The following ABCC2 variants were observed in gnomAD, a reference collection of about 807,000 sequenced individuals.
The protein encoded by ABCC2 is ATP-binding cassette sub-family C member 2.
A neutral mutation model predicts 173.4 loss-of-function variants in ABCC2; 157 were observed. The observed-to-expected ratio is 0.91, with a 90% CI of 0.80 to 1.03. ABCC2 has a LOEUF of 1.03. Ranked by LOEUF, ABCC2 falls within the 50% of genes least tolerant of loss-of-function variation. ABCC2 has a pLI of 0.00. For missense variants in ABCC2, 1,822 were observed against 1,852.3 expected, an observed-to-expected ratio of 0.98 and a Z score of 0.30; for synonymous variants, 657 against 693.5, an observed-to-expected ratio of 0.95 and a Z score of 0.83.
intron 26 of ABCC2, among the ~76,000 whole-genome samples, chr10:99,842,376 G>A (rs572068930): frequency 6.6e-5 from 10 of 152,216 alleles, no homozygotes; most frequent in African/African-American, 2.4e-4. Context: ...CTGCCTCTTT[G>A]CTTGGTTCTA....
At chr10:99,847,916 T>G (rs1221458347) in intron 30 of ABCC2, among the ~76,000 whole-genome samples, 1 of 149,254 alleles carries the variant, frequency 6.7e-6, no homozygotes, top group Non-Finnish European at 1.5e-5. Context: ...AGACTCCATC[T>G]CAAAACAAAC....
Position 99,782,949 on chromosome 10 carries a change from G to C in ABCC2, c.33+72G>C, listed in dbSNP as rs1047207281. On this transcript the variant is annotated intron_variant, in intron 1 of 31. Transcript: ENST00000647814. ...ACAAGTGGTAGTTAGTTAACTTAGG[G>C]TGGTCACCAACAAGAACCAGAAATG... is the stretch of plus-strand genomic sequence containing the variant. 4 of 1,517,470 alleles carry C rather than the reference G, an allele frequency of 2.6e-6. No individual in the cohort carries two copies. The African/African-American group carries it at 5.5e-5, about 21-fold the overall frequency. 94.0% of individuals were successfully genotyped at this position (1,517,470 alleles called of 1,614,324 possible).
rs1294060498 is a variant in ABCC2, at chr10:99,831,971, C to T, written c.3104-6C>T. On this transcript the variant is annotated splice_region_variant and splice_polypyrimidine_tract_variant and intron_variant, in intron 22 of 31. Transcript: ENST00000647814. ...ATGGTGCTGACAAAACTGCTTCCAT[C>T]TCTAGGTATATTTGTGTTCATAGCA... 3 of 1,614,088 alleles carry T rather than the reference C, an allele frequency of 1.9e-6. No homozygotes were observed. The highest frequency in any genetic ancestry group is 2.7e-5 in the African/African-American group (2 of 74,940).
chr10:99,804,035 A>G lies in ABCC2; in HGVS notation c.1226A>G (p.Asn409Ser). 1 of 1,614,132 alleles carries G rather than the reference A, an allele frequency of 6.2e-7. No homozygotes were observed. The highest frequency in any genetic ancestry group is 1.1e-5 in the South Asian group (1 of 91,080). Residue 409 changes from asparagine (N) to serine (S), a missense_variant, in exon 10 of 32, where the codon AAC becomes AGC. Asn to Ser is a conservative substitution (Grantham distance 46). Coordinates refer to ENST00000647814, the MANE Select transcript of ABCC2 (RefSeq NM_000392.5). ...TATCTTTAGGCATTGACCCTATCCA[A>G]CTTGGCCAGGAAGGAGTACACCGTT... ...SVYKKALTLS[N>S]LARKEYTVGE...
chr10:99,807,498 G>C lies in ABCC2; in HGVS notation c.1645G>C (p.Val549Leu). The C allele has an allele frequency of 6.2e-7, 1 of 1,614,098 alleles. No individual in the cohort carries two copies. Among genetic ancestry groups the C allele is most frequent in the Non-Finnish European group, 8.5e-7 (1 of 1,179,994 alleles). ...TCAACTACAGTGTGTAGTAATATTC[G>C]TCTTCCAGTTAACTCCAGTCCTGGT... ...FSQLQCVVIFVFQLTPVLVSV... is the reference protein window; with the variant it reads ...FSQLQCVVIFLFQLTPVLVSV... The change falls in exon 12 of 32, where the codon GTC becomes CTC. Residue 549 changes from valine (V) to leucine (L), a missense_variant. Val to Leu is a conservative substitution (Grantham distance 32). Coordinates refer to ENST00000647814, the MANE Select transcript of ABCC2 (RefSeq NM_000392.5).
At chr10:99,844,062 T>C (rs978987468) in intron 27 of ABCC2, among the ~76,000 whole-genome samples, 162 bp downstream of exon 27, 1 of 152,166 alleles carries the variant, frequency 6.6e-6, no homozygotes. Context: ...AAACTTAGAA[T>C]AGGAAATGGT....
chr10:99,830,675 T>C (rs1452337032), intron 20 of ABCC2, 41 bp from the exon 21 acceptor site: 1 of 1,613,810 alleles, frequency 6.2e-7, no homozygotes, highest in South Asian at 1.1e-5. Flanking sequence ...AGAAGACCCT[T>C]GGGAATTGCC....
At chr10:99,840,950 A>G (rs1454333770) in intron 25 of ABCC2, among the ~76,000 whole-genome samples, 1 of 152,050 alleles carries the variant, frequency 6.6e-6, no homozygotes, top group African/African-American at 2.4e-5. Flanking sequence ...GGCTCCAGGC[A>G]TCCTGAGGTG....
At chr10:99,793,822 A>G (rs1171016329) in intron 4 of ABCC2, 70 bp from the exon 5 acceptor site, 6 of 1,565,950 alleles carry the variant, frequency 3.8e-6, no homozygotes, top group Admixed American at 1.7e-5. Context: ...ACAAGCATTG[A>G]TATATACGGG....
intron 16 of ABCC2, 133 bp from the exon 17 acceptor site, chr10:99,817,175 T>A: frequency 1.3e-6 from 1 of 789,432 alleles, no homozygotes. Context: ...ACATATCAGA[T>A]CCTCAGTCAT....
intron 23 of ABCC2, 97 bp downstream of exon 23, chr10:99,832,228 T>C (rs1182302001): frequency 3.4e-6 from 5 of 1,479,176 alleles, no homozygotes; most frequent in Non-Finnish European, 4.7e-6. Context: ...CACTGTTCAG[T>C]TCCAGTTCTT....
intron 28 of ABCC2, among the ~76,000 whole-genome samples, chr10:99,845,412 T>C (rs927281332): frequency 1.3e-5 from 2 of 152,182 alleles, no homozygotes; most frequent in African/African-American, 4.8e-5. Flanking sequence ...TTTCAAACAG[T>C]GACTATAGTT....
chr10:99,799,097 CA>C, intron 7 of ABCC2, 109 bp from the exon 8 acceptor site: 1 of 1,242,862 alleles, frequency 8.0e-7, no homozygotes, highest in Non-Finnish European at 1.2e-6. Context: ...GAGAGATGAT[CA>C]AAACCTGTAC....
intron 8 of ABCC2, 87 bp from the exon 9 acceptor site, chr10:99,800,299 G>C (rs1353566004): frequency 1.4e-6 from 2 of 1,388,640 alleles, no homozygotes; most frequent in Admixed American, 3.3e-5. Context: ...ACAGTGTAAA[G>C]ATAGTGTAGT....
intron 2 of ABCC2, 25 bp from the exon 3 acceptor site, chr10:99,792,208 TA>T (rs1173628566): frequency 3.1e-6 from 5 of 1,613,498 alleles, no homozygotes; most frequent in Non-Finnish European, 4.2e-6. Context: ...GATATCCTCT[TA>T]ACAGTGGTCT....
intron 8 of ABCC2, among the ~76,000 whole-genome samples, chr10:99,799,940 G>T (rs1391716776): frequency 6.6e-6 from 1 of 152,206 alleles, no homozygotes; most frequent in African/African-American, 2.4e-5. Context: ...GGTGGCTCAT[G>T]ACTGTAATCT....
chr10:99,792,468 C>T (rs1008385856), intron 3 of ABCC2, 109 bp downstream of exon 3: 18 of 1,532,026 alleles, frequency 1.2e-5, no homozygotes, highest in African/African-American at 6.8e-5. Flanking sequence ...CTGTCTTTTT[C>T]GCGGGATCCA....
Position 99,844,469 on chromosome 10 carries a change from G to C in ABCC2, c.3987+4G>C. The C allele has an allele frequency of 6.2e-7, 1 of 1,613,138 alleles. No individual in the cohort carries two copies. On this transcript the variant is annotated splice_donor_region_variant and intron_variant, in intron 28 of 31. Coordinates refer to ENST00000647814, the MANE Select transcript of ABCC2 (RefSeq NM_000392.5). ...TGACATCGGTAGCATGGAGAAGGTA[G>C]GTGGAGTGAAGGAAGGCCTGGATGG...
Position 99,851,720 on chromosome 10 carries a change from G to A in ABCC2, c.*89G>A. On this transcript the variant is annotated 3_prime_UTR_variant, in exon 32 of 32. Coordinates refer to ENST00000647814, the MANE Select transcript of ABCC2 (RefSeq NM_000392.5). The stretch of plus-strand genomic sequence containing the variant: ...TAAAATACAGAATACATACAAAAGT[G>A]TGTATAAAATGTACGTTTTAAAAAA... 2.3e-6 allele frequency: 3 copies of A among 1,287,042 alleles called. No homozygotes were observed. Among genetic ancestry groups the A allele is most frequent in the Non-Finnish European group, 3.2e-6 (3 of 930,490 alleles). The allele number at this position is 1,287,042 out of a possible 1,614,324, so 79.7% of individuals were successfully genotyped here.
Sources: allele counts gnomAD v4.1 joint callset (sites outside exome capture counted in the v4.1 genomes callset), GRCh38; gene constraint gnomAD v4.1.1; transcripts MANE v1.5; gene names NCBI Gene and HGNC (gene_info 2026-07-23, HGNC 2026-07-21).